The following XIRP2 variants were observed in gnomAD, a reference collection of about 807,000 sequenced individuals.
XIRP2 encodes xin actin-binding repeat-containing protein 2.
A neutral mutation model predicts 277.0 loss-of-function variants in XIRP2; 236 were observed. The ratio of observed to expected loss-of-function variants is 0.85; its 90% CI spans 0.77 to 0.95. The LOEUF (loss-of-function observed/expected upper bound fraction) is 0.95. Among genes scored for constraint, XIRP2 ranks in the 40% least tolerant of loss-of-function variants. XIRP2 has a pLI of 0.00. For missense variants in XIRP2, 4,640 were observed against 4,157.5 expected (o/e 1.12, Z -3.19); for synonymous variants, 1,490 against 1,416.5 (o/e 1.05, Z -1.17).
intron 3 of XIRP2, among the ~76,000 whole-genome samples, chr2:167,189,463 C>CTT (rs1693260615): frequency 6.6e-6 from 1 of 152,114 alleles, no homozygotes. Context: ...ATTATATTGT[C>CTT]TTTTTTATTT....
chr2:166,997,774 G>A (rs546962671), intron 2 of XIRP2, among the ~76,000 whole-genome samples: 12 of 151,906 alleles, frequency 7.9e-5, no homozygotes, highest in African/African-American at 1.9e-4. Flanking sequence ...GCATGGTGGC[G>A]GGCACCTGTA....
intron 3 of XIRP2, among the ~76,000 whole-genome samples, chr2:167,202,609 G>A (rs1693753408): frequency 6.6e-6 from 1 of 152,170 alleles, no homozygotes; most frequent in Non-Finnish European, 1.5e-5. Flanking sequence ...GTATTTACGT[G>A]TCTGTGCAAT....
At chr2:167,120,760 T>C (rs751448936) in intron 2 of XIRP2, among the ~76,000 whole-genome samples, 2 of 152,176 alleles carry the variant, frequency 1.3e-5, no homozygotes, top group Non-Finnish European at 2.9e-5. Flanking sequence ...AGCTCATGAA[T>C]ATAAATATTC....
chr2:166,921,698 C>T (rs935496368), intron 2 of XIRP2, among the ~76,000 whole-genome samples: 3 of 152,006 alleles, frequency 2.0e-5, no homozygotes, highest in African/African-American at 7.2e-5. Context: ...ATGGAAAATG[C>T]TTGTTGAAAT....
intron 3 of XIRP2, among the ~76,000 whole-genome samples, chr2:167,153,610 C>T (rs1409136521): frequency 1.3e-5 from 2 of 151,852 alleles, no homozygotes; most frequent in Non-Finnish European, 2.9e-5. Flanking sequence ...TTCCTGTGTC[C>T]ATGTGTTCTC....
chr2:167,048,803 C>A (rs1357147800), intron 2 of XIRP2, among the ~76,000 whole-genome samples: 1 of 151,830 alleles, frequency 6.6e-6, no homozygotes, highest in African/African-American at 2.4e-5. Flanking sequence ...ACTTTTCTTT[C>A]TAGCAAAAGC....
chr2:167,010,121 T>C (rs1000206831), intron 2 of XIRP2, among the ~76,000 whole-genome samples: 1 of 152,170 alleles, frequency 6.6e-6, no homozygotes, highest in African/African-American at 2.4e-5. Flanking sequence ...TTTGGTGTTT[T>C]AGACATGAAG....
chr2:167,257,769 T>A, intron 10 of XIRP2, 88 bp from the exon 11 acceptor site: 2 of 1,356,874 alleles, frequency 1.5e-6, no homozygotes, highest in East Asian at 4.8e-5. Flanking sequence ...AGTTTACTAG[T>A]CTGTAACTCA....
rs59091135 is a variant in XIRP2 at position 167,179,617 on chromosome 2, G to A, written c.563-31118G>A. On this transcript the variant is annotated intron_variant, in intron 3 of 10. Transcript: ENST00000409195. The stretch of plus-strand genomic sequence containing the variant: ...TTACAGGCGTGAGCCACCGCACCCA[G>A]CCTAATCATTTTCTTTATCTGATAA... 5.4e-3 allele frequency among the ~76,000 whole-genome samples: 819 copies of A among 150,614 alleles called. 16 individuals carry two copies. The highest frequency in any genetic ancestry group is 0.04 in the Admixed American group (604 of 15,164).
chr2:167,078,793 G>A (rs532003102), intron 2 of XIRP2, among the ~76,000 whole-genome samples: 2 of 149,348 alleles, frequency 1.3e-5, no homozygotes, highest in South Asian at 2.1e-4. Flanking sequence ...AGCCGAGATC[G>A]CGCCACTGCA....
chr2:166,971,868 A>G (rs186374474), intron 2 of XIRP2, among the ~76,000 whole-genome samples: 1 of 152,304 alleles, frequency 6.6e-6, no homozygotes, highest in East Asian at 1.9e-4. Flanking sequence ...TTGATTTTGT[A>G]TAAAGTAGTG....
chr2:166,972,182 C>A (rs903144148), intron 2 of XIRP2, among the ~76,000 whole-genome samples: 24 of 152,106 alleles, frequency 1.6e-4, no homozygotes, highest in African/African-American at 4.8e-4. Context: ...AGGAGGCAGC[C>A]TTCTGCAAAC....
intron 2 of XIRP2, among the ~76,000 whole-genome samples, chr2:167,050,810 CA>C (rs892743040): frequency 2.5e-5 from 3 of 119,106 alleles, no homozygotes; most frequent in Admixed American, 8.0e-5. Context: ...ACTGCTGGCA[CA>C]TTTTTTTTTT....
chr2:167,167,686 A>G (rs1692563929), intron 3 of XIRP2, among the ~76,000 whole-genome samples: 1 of 152,132 alleles, frequency 6.6e-6, no homozygotes, highest in Non-Finnish European at 1.5e-5. Flanking sequence ...TCACTTACAT[A>G]TAAACATACA....
intron 2 of XIRP2, among the ~76,000 whole-genome samples, chr2:167,077,886 T>C (rs1689615941): frequency 6.6e-6 from 1 of 152,248 alleles, no homozygotes; most frequent in African/African-American, 2.4e-5. Context: ...TGGCGTATAG[T>C]ATAGTTCGAC....
intron 2 of XIRP2, among the ~76,000 whole-genome samples, chr2:166,969,690 A>C (rs1464947188): frequency 6.6e-6 from 1 of 151,876 alleles, no homozygotes; most frequent in African/African-American, 2.4e-5. Context: ...TATTCAAAGA[A>C]CTCATTAAAA....
chr2:166,948,487 C>T (rs1018564268), intron 2 of XIRP2, among the ~76,000 whole-genome samples: 4 of 151,984 alleles, frequency 2.6e-5, no homozygotes, highest in Non-Finnish European at 4.4e-5. Flanking sequence ...GGAGAAGATA[C>T]GTCAAACCCA....
At chr2:167,102,176 G>A (rs1375189741) in intron 2 of XIRP2, among the ~76,000 whole-genome samples, 2 of 152,148 alleles carry the variant, frequency 1.3e-5, no homozygotes, top group Non-Finnish European at 2.9e-5. Context: ...GAATTAGCTG[G>A]AACATGAATT....
At position 167,149,421 on chromosome 2, in the gene XIRP2, A is replaced by C. The variant is rs188826136; in HGVS notation, c.562+13359A>C. Among the ~76,000 whole-genome samples the C allele has an allele frequency of 7.2e-4, 109 of 152,294 alleles. 1 individual carries two copies. In the East Asian group the frequency reaches 0.017, roughly 23 times the overall value. ...TATATAAAAATCAACAAGTGTAGGAAGGCAGAATTATGCCCATGTAAACAT... is the reference window on the plus strand; with the variant it reads ...TATATAAAAATCAACAAGTGTAGGACGGCAGAATTATGCCCATGTAAACAT... On this transcript the variant is annotated intron_variant, in intron 3 of 10. Coordinates refer to ENST00000409195, the MANE Select transcript of XIRP2 (RefSeq NM_152381.6).
Sources: gnomAD v4.1 joint callset for allele counts (sites outside exome capture counted in the v4.1 genomes callset) on GRCh38, gnomAD v4.1.1 for gene constraint, MANE v1.5 for transcripts, NCBI Gene and HGNC (gene_info 2026-07-23, HGNC 2026-07-21) for gene names.